Variants in GABRR2 observed in about 807,000 individuals in gnomAD.
GABRR2 encodes gamma-aminobutyric acid receptor subunit rho-2.
Under a neutral mutation model 47.0 loss-of-function variants are expected in GABRR2, and 36 were observed. The observed-to-expected ratio is 0.77, with a 90% CI of 0.59 to 1.01. GABRR2 has a LOEUF of 1.01. GABRR2 is among the 50% of genes least tolerant of loss of function. The pLI is 0.00. For synonymous variants in GABRR2, 204 were observed against 227.5 expected (o/e 0.90, Z 0.93); for missense variants, 587 against 594.6 (o/e 0.99, Z 0.13).
intron 3 of GABRR2, among the ~76,000 whole-genome samples, chr6:89,270,746 A>G (rs1774032296): frequency 6.6e-6 from 1 of 152,146 alleles, no homozygotes; most frequent in South Asian, 2.1e-4. Context: ...TGGCAAGTGG[A>G]GCCTCCCCGA....
intron 2 of GABRR2, among the ~76,000 whole-genome samples, chr6:89,289,703 G>C (rs1262908901): frequency 6.6e-6 from 1 of 152,118 alleles, no homozygotes. Flanking sequence ...GGAAGGGTGA[G>C]GAGGAGGGCA....
intron 2 of GABRR2, among the ~76,000 whole-genome samples, chr6:89,281,286 A>G (rs1477158184): frequency 1.3e-5 from 2 of 152,248 alleles, no homozygotes; most frequent in Non-Finnish European, 2.9e-5. Flanking sequence ...ACATCACAGA[A>G]GTGAAAAAGA....
chr6:89,301,944 C>G (rs545783158), intron 1 of GABRR2: 19 of 972,840 alleles, frequency 2.0e-5, no homozygotes, highest in Non-Finnish European at 3.0e-5. Flanking sequence ...ACAACGAGGC[C>G]TCTTCTCATA....
Position 89,265,749 on chromosome 6 carries a change from C to T in GABRR2, c.753G>A (p.Leu251=), listed in dbSNP as rs1773878824. Residue 251 remains leucine (L), a synonymous_variant, in exon 7 of 9, where the codon CTG becomes CTA. Coordinates refer to ENST00000402938, the MANE Select transcript of GABRR2 (RefSeq NM_002043.5). ...FYSSTGWYNR[L]YINFTLRRHI... ...GGCGACGCAACGTGAAGTTAATGTA[C>T]AGACGGTTGTACCAGCCTAGGGGAT... 1 of 1,613,938 alleles carries T rather than the reference C, an allele frequency of 6.2e-7. No homozygotes were observed. Among genetic ancestry groups the T allele is most frequent in the African/African-American group, 1.3e-5 (1 of 74,888 alleles).
At chr6:89,279,095 TGGGCTGCAAGACGAAG>T (rs2127838917) in intron 2 of GABRR2, among the ~76,000 whole-genome samples, 1 of 152,284 alleles carries the variant, frequency 6.6e-6, no homozygotes, top group South Asian at 2.1e-4. Context: ...GCCCTGTGCA[TGGGCTGCAAGACGAAG>T]CCAGCTCCCG....
At position 89,265,603 on chromosome 6, in the gene GABRR2, A is replaced by G. The variant is rs773000768; in HGVS notation, c.889+10T>C. On this transcript the variant is annotated intron_variant, in intron 7 of 8. Coordinates refer to ENST00000402938, the MANE Select transcript of GABRR2 (RefSeq NM_002043.5). The stretch of plus-strand genomic sequence containing the variant: ...TAACCACCCTACCACACCTTATGAA[A>G]TGCTTTTACCCAGTGAAACTCTGGC... 2.7e-5 allele frequency: 44 copies of G among 1,607,248 alleles called. No homozygotes were observed. The African/African-American group carries it at 2.8e-4, about 10-fold the overall frequency.
chr6:89,283,025 A>C (rs1044782770), intron 2 of GABRR2, among the ~76,000 whole-genome samples: 1 of 152,220 alleles, frequency 6.6e-6, no homozygotes, highest in Non-Finnish European at 1.5e-5. Flanking sequence ...TTCATGATTC[A>C]GCTTTCTAAG....
chr6:89,296,101 GCA>G (rs747138581), intron 2 of GABRR2, among the ~76,000 whole-genome samples: 1 of 152,208 alleles, frequency 6.6e-6, no homozygotes, highest in Non-Finnish European at 1.5e-5. Context: ...TATATCACCT[GCA>G]CAGAGTCACC....
At chr6:89,291,679 A>T (rs1562378260) in intron 2 of GABRR2, among the ~76,000 whole-genome samples, 1 of 152,096 alleles carries the variant, frequency 6.6e-6, no homozygotes. Flanking sequence ...AGAACTGAGC[A>T]TTCCCTCCTT....
chr6:89,255,626 T>C lies in GABRR2; in HGVS notation c.*2044A>G, dbSNP rs746808954. On this transcript the variant is annotated 3_prime_UTR_variant, in exon 9 of 9. Coordinates refer to ENST00000402938, the MANE Select transcript of GABRR2 (RefSeq NM_002043.5). ...GGTGGGGACCTGCCTTGATCCCTAGTGTTGTGGAAAAAGCTAGTCGCTCAC... is the reference window on the plus strand; with the variant it reads ...GGTGGGGACCTGCCTTGATCCCTAGCGTTGTGGAAAAAGCTAGTCGCTCAC... Among the ~76,000 whole-genome samples, 1 of 152,088 alleles carries C rather than the reference T, an allele frequency of 6.6e-6. No homozygotes were observed. Among genetic ancestry groups the C allele is most frequent in the Non-Finnish European group, 1.5e-5 (1 of 68,022 alleles).
intron 6 of GABRR2, 124 bp from the exon 7 acceptor site, chr6:89,265,889 A>G (rs1314946761): frequency 1.1e-6 from 1 of 900,034 alleles, no homozygotes; most frequent in East Asian, 2.5e-5. Context: ...ATTAATGACC[A>G]GTTGGCTTAA....
intron 1 of GABRR2, among the ~76,000 whole-genome samples, chr6:89,310,791 C>G (rs1006110685): frequency 3.3e-5 from 5 of 152,014 alleles, no homozygotes; most frequent in Non-Finnish European, 5.9e-5. Context: ...GCTGCAGGGA[C>G]AAGCAGAGGC....
chr6:89,302,761 T>C (rs1011310665), intron 1 of GABRR2: 7 of 1,441,338 alleles, frequency 4.9e-6, no homozygotes, highest in Non-Finnish European at 6.7e-6. Context: ...ATGCTGTCCA[T>C]CCAGAGCAAG....
chr6:89,280,612 G>C (rs1774243197), intron 2 of GABRR2, among the ~76,000 whole-genome samples: 1 of 152,158 alleles, frequency 6.6e-6, no homozygotes, highest in African/African-American at 2.4e-5. Flanking sequence ...CTGGCCCTGG[G>C]CTCCAACGCT....
intron 2 of GABRR2, among the ~76,000 whole-genome samples, chr6:89,286,472 G>A (rs1396016217): frequency 3.3e-5 from 5 of 151,960 alleles, no homozygotes; most frequent in African/African-American, 9.7e-5. Context: ...GCTTGTTTGT[G>A]GTGATTTTAT....
intron 1 of GABRR2, among the ~76,000 whole-genome samples, chr6:89,311,716 C>T (rs895296953): frequency 6.6e-6 from 1 of 152,192 alleles, no homozygotes; most frequent in Non-Finnish European, 1.5e-5. Context: ...GGTGCCCCTC[C>T]TCCCTGTGCA....
intron 8 of GABRR2, among the ~76,000 whole-genome samples, chr6:89,263,467 G>T (rs1773798480): frequency 6.6e-6 from 1 of 152,142 alleles, no homozygotes; most frequent in South Asian, 2.1e-4. Context: ...CTTGTTCAAG[G>T]ATCGACTGTA....
At chr6:89,283,158 G>A (rs757590053) in intron 2 of GABRR2, among the ~76,000 whole-genome samples, 1 of 150,000 alleles carries the variant, frequency 6.7e-6, no homozygotes. Flanking sequence ...TGAATTGCCC[G>A]TTTCTGTTCT....
At chr6:89,298,763 A>G (rs902548197) in intron 2 of GABRR2, among the ~76,000 whole-genome samples, 1 of 152,150 alleles carries the variant, frequency 6.6e-6, no homozygotes, top group Admixed American at 6.5e-5. Flanking sequence ...GTCCCTGACA[A>G]ATGTGTATGT....
Sources: gnomAD v4.1 joint callset for allele counts (sites outside exome capture counted in the v4.1 genomes callset) on GRCh38, gnomAD v4.1.1 for gene constraint, MANE v1.5 for transcripts, NCBI Gene and HGNC (gene_info 2026-07-23, HGNC 2026-07-21) for gene names.